Variants in MAD1L1 observed in about 807,000 individuals in gnomAD.
MAD1L1 encodes mitotic arrest deficient 1 like 1, also known as mitotic spindle assembly checkpoint protein MAD1.
Under a neutral mutation model 96.9 loss-of-function variants are expected in MAD1L1, and 95 were observed. The observed-to-expected ratio is 0.98, with a 90% CI of 0.83 to 1.16. MAD1L1 has a LOEUF of 1.16. MAD1L1 is among the 50% of genes most tolerant of loss of function. MAD1L1 has a pLI of 0.00. For missense variants in MAD1L1, 1,007 were observed against 954.4 expected (o/e 1.06, Z -0.73); for synonymous variants, 473 against 396.6 (o/e 1.19, Z -2.29).
At chr7:1,977,041 G>C (rs1780674788) in intron 15 of MAD1L1, among the ~76,000 whole-genome samples, 1 of 152,390 alleles carries the variant, frequency 6.6e-6, no homozygotes, top group South Asian at 2.1e-4. Flanking sequence ...CAGGAGCCCA[G>C]CTGGCTTCCG....
chr7:2,010,219 A>G (rs4721302), intron 13 of MAD1L1, among the ~76,000 whole-genome samples: 87,002 of 151,538 alleles, frequency 0.57, 26,545 homozygotes, highest in East Asian at 0.76. Flanking sequence ...GGCTCTCCCC[A>G]GCCCTCCTGG....
chr7:1,990,760 G>A (rs1216807563), intron 14 of MAD1L1, among the ~76,000 whole-genome samples: 5 of 146,210 alleles, frequency 3.4e-5, no homozygotes, highest in African/African-American at 1.0e-4. Flanking sequence ...CCACCAGAGC[G>A]CCACTGCTGG....
chr7:1,920,133 C>T (rs369579737), intron 17 of MAD1L1, among the ~76,000 whole-genome samples: 19 of 152,298 alleles, frequency 1.2e-4, no homozygotes, highest in African/African-American at 3.6e-4. Flanking sequence ...TGTCCTTCCC[C>T]AGTACATGAG....
At position 2,216,117 on chromosome 7, in the gene MAD1L1, C is replaced by T. The variant is rs1793260227; in HGVS notation, c.809+40G>A. The T allele has an allele frequency of 4.4e-6, 7 of 1,608,512 alleles. No homozygotes were observed. In the Admixed American group the frequency reaches 1.0e-4, roughly 23 times the overall value. On this transcript the variant is annotated intron_variant, in intron 8 of 18. Coordinates refer to ENST00000265854, the MANE Select transcript of MAD1L1 (RefSeq NM_001013836.2). ...TGGGCTCCATGTGCACAAACCCAGA[C>T]TCACTCGAGGCGGCTGCCCCATCCC... is the stretch of plus-strand genomic sequence containing the variant.
chr7:1,899,722 C>A (rs751854120), intron 17 of MAD1L1, among the ~76,000 whole-genome samples: 6 of 152,128 alleles, frequency 3.9e-5, no homozygotes, highest in Non-Finnish European at 8.8e-5. Flanking sequence ...AGTGTGAGTG[C>A]CTGCTGGCCA....
At chr7:2,180,140 G>A (rs1313677631) in intron 10 of MAD1L1, among the ~76,000 whole-genome samples, 2 of 152,204 alleles carry the variant, frequency 1.3e-5, no homozygotes, top group African/African-American at 4.8e-5. Flanking sequence ...CGCTGACACA[G>A]AAAAGCTAAG....
chr7:1,964,217 G>A (rs900227671), intron 15 of MAD1L1, among the ~76,000 whole-genome samples: 7 of 152,210 alleles, frequency 4.6e-5, no homozygotes, highest in Non-Finnish European at 7.3e-5. Context: ...GGCCATCTCC[G>A]AGAAGCTGCC....
chr7:1,848,669 G>C (rs1487694016), intron 18 of MAD1L1: 1 of 154,442 alleles, frequency 6.5e-6, no homozygotes, highest in Non-Finnish European at 1.5e-5. Context: ...GCTGAATCCT[G>C]GCAGATGGGG....
chr7:1,864,480 C>A (rs552368228), intron 18 of MAD1L1, among the ~76,000 whole-genome samples: 2 of 152,344 alleles, frequency 1.3e-5, no homozygotes, highest in South Asian at 4.1e-4. Flanking sequence ...CTGAACACCC[C>A]CCTGCCGGGA....
chr7:2,209,722 A>C (rs1562374000), intron 10 of MAD1L1, among the ~76,000 whole-genome samples: 1 of 152,126 alleles, frequency 6.6e-6, no homozygotes, highest in East Asian at 1.9e-4. Context: ...AATCCCAGCA[A>C]AGCCTGGGCC....
intron 12 of MAD1L1, among the ~76,000 whole-genome samples, chr7:2,036,489 G>A (rs1584145404): frequency 6.6e-6 from 1 of 152,338 alleles, no homozygotes; most frequent in East Asian, 1.9e-4. Flanking sequence ...CTAGTCTGAG[G>A]AGGACAATCC....
At position 2,142,560 on chromosome 7, in the gene MAD1L1, G is replaced by A. The variant is rs1013258333; in HGVS notation, c.1073+6592C>T. 2.6e-5 allele frequency among the ~76,000 whole-genome samples: 4 copies of A among 152,248 alleles called. No individual in the cohort carries two copies. The highest frequency in any genetic ancestry group is 5.9e-5 in the Non-Finnish European group (4 of 68,038). On this transcript the variant is annotated intron_variant, in intron 11 of 18. Coordinates refer to ENST00000265854, the MANE Select transcript of MAD1L1 (RefSeq NM_001013836.2). The surrounding 1 kb of genome is among the most constrained non-coding windows in gnomAD (Gnocchi z 4.7). ...CCACTGAGCCCACGGTGAAGGGCAC[G>A]GTGCCACCCAGAGCTCCTGGCGCGT...
At chr7:1,983,128 A>C (rs1780988093) in intron 14 of MAD1L1, among the ~76,000 whole-genome samples, 1 of 115,100 alleles carries the variant, frequency 8.7e-6, no homozygotes, top group South Asian at 3.3e-4. Context: ...ACACACACCC[A>C]CAGACGCGCG....
intron 17 of MAD1L1, among the ~76,000 whole-genome samples, chr7:1,929,408 G>A (rs988590395): frequency 6.6e-6 from 1 of 152,176 alleles, no homozygotes; most frequent in Non-Finnish European, 1.5e-5. Context: ...GACGTGGCAG[G>A]GGGGCTGAGT....
At chr7:2,106,304 G>A (rs566404221) in intron 11 of MAD1L1, among the ~76,000 whole-genome samples, 1 of 152,026 alleles carries the variant, frequency 6.6e-6, no homozygotes, top group East Asian at 1.9e-4. Flanking sequence ...CCCTGGAGAC[G>A]GCCATGGTCA....
chr7:2,072,137 GA>G (rs199708455), intron 11 of MAD1L1, among the ~76,000 whole-genome samples: 3,539 of 152,346 alleles, frequency 0.023, 60 homozygotes, highest in Non-Finnish European at 0.036. Context: ...ACCAGCACCA[GA>G]AGGTGGGGAC....
chr7:2,078,419 G>C (rs960948355), intron 11 of MAD1L1, among the ~76,000 whole-genome samples: 14 of 152,218 alleles, frequency 9.2e-5, no homozygotes, highest in African/African-American at 3.4e-4. Flanking sequence ...TGAAGCACGA[G>C]AGCATCAAGA....
chr7:1,954,561 C>T (rs1322921098), intron 16 of MAD1L1, among the ~76,000 whole-genome samples: 1 of 152,190 alleles, frequency 6.6e-6, no homozygotes, highest in African/African-American at 2.4e-5. Context: ...GACTGTGCCG[C>T]CCACCTGACC....
chr7:2,158,298 C>T (rs948379866), intron 10 of MAD1L1, among the ~76,000 whole-genome samples: 2 of 152,190 alleles, frequency 1.3e-5, no homozygotes, highest in Admixed American at 1.3e-4. Flanking sequence ...GATGTTGGGG[C>T]TCTAGCTGAA....
Sources: allele counts gnomAD v4.1 joint callset (sites outside exome capture counted in the v4.1 genomes callset), GRCh38; gene constraint gnomAD v4.1.1; non-coding constraint Gnocchi (gnomAD v3.1); transcripts MANE v1.5; gene names NCBI Gene and HGNC (gene_info 2026-07-23, HGNC 2026-07-21).